Variants in ZMAT4 observed in about 807,000 individuals in gnomAD.
ZMAT4 encodes the protein zinc finger matrin-type 4.
In ZMAT4, 17 loss-of-function variants were observed where a neutral mutation model predicts 28.7. That is an observed-to-expected ratio of 0.59 (90% confidence interval 0.41 to 0.89). The LOEUF is 0.89. Ranked by LOEUF, ZMAT4 falls within the 40% of genes least tolerant of loss-of-function variation. The pLI is 0.00. For missense variants in ZMAT4, 240 were observed against 283.8 expected, an observed-to-expected ratio of 0.85 and a Z score of 1.11; for synonymous variants, 117 against 109.2, an observed-to-expected ratio of 1.07 and a Z score of -0.44.
intron 5 of ZMAT4, among the ~76,000 whole-genome samples, chr8:40,600,940 G>C (rs886920184): frequency 1.1e-4 from 16 of 152,120 alleles, no homozygotes; most frequent in African/African-American, 3.6e-4. Flanking sequence ...AACATCTGCT[G>C]TTCCATCCAC....
chr8:40,556,224 T>C (rs577728213), intron 6 of ZMAT4, among the ~76,000 whole-genome samples: 89 of 152,322 alleles, frequency 5.8e-4, no homozygotes, highest in African/African-American at 2.0e-3. Flanking sequence ...AATTCTCAAA[T>C]CTTGTATTTC....
chr8:40,858,305 C>T (rs1229847318), intron 1 of ZMAT4, among the ~76,000 whole-genome samples: 1 of 152,142 alleles, frequency 6.6e-6, no homozygotes, highest in Non-Finnish European at 1.5e-5. Context: ...TTATGAAACA[C>T]TCTTTATATT....
At chr8:40,881,817 G>C (rs546216201) in intron 1 of ZMAT4, among the ~76,000 whole-genome samples, 28 of 152,160 alleles carry the variant, frequency 1.8e-4, no homozygotes, top group African/African-American at 6.7e-4. Flanking sequence ...GAATAGCTCG[G>C]CCCAACAGTT....
chr8:40,651,624 A>G (rs1585820649), intron 5 of ZMAT4, among the ~76,000 whole-genome samples: 1 of 150,156 alleles, frequency 6.7e-6, no homozygotes, highest in Admixed American at 6.6e-5. Context: ...CGCCAAGTCA[A>G]TCCTAAGCCA....
chr8:40,769,654 A>G (rs1053262924), intron 2 of ZMAT4, among the ~76,000 whole-genome samples: 4 of 152,174 alleles, frequency 2.6e-5, no homozygotes, highest in African/African-American at 9.7e-5. Context: ...TGGATTTTCA[A>G]TTTTACATTT....
At chr8:40,787,368 C>T (rs759435106) in intron 2 of ZMAT4, among the ~76,000 whole-genome samples, 3 of 152,172 alleles carry the variant, frequency 2.0e-5, no homozygotes, top group Non-Finnish European at 4.4e-5. Context: ...AAATTTAATG[C>T]CTTTCCATCT....
intron 2 of ZMAT4, among the ~76,000 whole-genome samples, chr8:40,814,893 T>C (rs1354616944): frequency 6.6e-6 from 1 of 152,212 alleles, no homozygotes; most frequent in Non-Finnish European, 1.5e-5. Context: ...TACTCAACCA[T>C]TTTGCTCAAA....
intron 4 of ZMAT4, among the ~76,000 whole-genome samples, chr8:40,685,807 T>C (rs1740285411): frequency 6.6e-6 from 1 of 152,016 alleles, no homozygotes; most frequent in Admixed American, 6.6e-5. Context: ...CATATGCAAA[T>C]TAAATTAGGA....
At chr8:40,622,236 T>C (rs1451840386) in intron 5 of ZMAT4, among the ~76,000 whole-genome samples, 2 of 152,210 alleles carry the variant, frequency 1.3e-5, no homozygotes, top group Non-Finnish European at 2.9e-5. Flanking sequence ...TTCCAGATAT[T>C]TGGGGTTTAT....
intron 6 of ZMAT4, among the ~76,000 whole-genome samples, chr8:40,553,359 C>G (rs1396507615): frequency 6.6e-6 from 1 of 152,096 alleles, no homozygotes; most frequent in Non-Finnish European, 1.5e-5. Flanking sequence ...TTATACAGCC[C>G]TGGATGGCTA....
chr8:40,842,107 G>A (rs1028981251), intron 1 of ZMAT4, among the ~76,000 whole-genome samples: 2 of 152,158 alleles, frequency 1.3e-5, no homozygotes, highest in Non-Finnish European at 2.9e-5. Context: ...TATAGGTGAG[G>A]CACCTGAACC....
chr8:40,675,096 A>G (rs1468976503), intron 4 of ZMAT4, among the ~76,000 whole-genome samples, 165 bp from the exon 5 acceptor site: 2 of 152,176 alleles, frequency 1.3e-5, no homozygotes, highest in Non-Finnish European at 2.9e-5. Flanking sequence ...TTCATTTTTG[A>G]GTTGGGACAC....
chr8:40,542,060 G>T (rs564570663), intron 6 of ZMAT4, among the ~76,000 whole-genome samples: 4 of 152,184 alleles, frequency 2.6e-5, no homozygotes, highest in Non-Finnish European at 5.9e-5. Context: ...TGTTTTGTTG[G>T]GGGGAGGAAT....
At chr8:40,693,107 G>A in intron 4 of ZMAT4, among the ~76,000 whole-genome samples, 1 of 152,058 alleles carries the variant, frequency 6.6e-6, no homozygotes, top group Non-Finnish European at 1.5e-5. Context: ...TAAACCCAAT[G>A]ACTGGGGTCT....
chr8:40,628,942 T>C (rs540913449), intron 5 of ZMAT4, among the ~76,000 whole-genome samples: 1 of 151,800 alleles, frequency 6.6e-6, no homozygotes. Context: ...TGCGTTTCTA[T>C]GAAACATCAC....
intron 5 of ZMAT4, among the ~76,000 whole-genome samples, chr8:40,595,535 G>A (rs1282771329): frequency 6.6e-6 from 1 of 152,064 alleles, no homozygotes; most frequent in African/African-American, 2.4e-5. Context: ...TATAAGGTAT[G>A]GCCTATTGCT....
chr8:40,564,328 A>G (rs2118481788), intron 6 of ZMAT4, among the ~76,000 whole-genome samples: 1 of 152,260 alleles, frequency 6.6e-6, no homozygotes, highest in African/African-American at 2.4e-5. Flanking sequence ...TTATTTCTAC[A>G]GGATTGCCCA....
chr8:40,718,143 C>T lies in ZMAT4; in HGVS notation c.193-20742G>A, dbSNP rs566970215. Among the ~76,000 whole-genome samples the T allele has an allele frequency of 3.3e-4, 50 of 152,342 alleles. 2 individuals carry two copies. The South Asian group carries it at 9.1e-3, about 28-fold the overall frequency. ...CCTGCCAACTTCTGGATTAGAACCT[C>T]GTATAGATAGCCACTTATAAATAGC... On this transcript the variant is annotated intron_variant, in intron 3 of 6. Coordinates refer to ENST00000297737, the MANE Select transcript of ZMAT4 (RefSeq NM_024645.3).
At chr8:40,570,610 G>A (rs370048487) in intron 6 of ZMAT4, among the ~76,000 whole-genome samples, 8 of 152,270 alleles carry the variant, frequency 5.3e-5, no homozygotes, top group Admixed American at 3.3e-4. Flanking sequence ...TGAGGTGGGA[G>A]GATCATTTAA....
Sources: allele counts gnomAD v4.1 joint callset (sites outside exome capture counted in the v4.1 genomes callset), GRCh38; gene constraint gnomAD v4.1.1; transcripts MANE v1.5; gene names NCBI Gene and HGNC (gene_info 2026-07-23, HGNC 2026-07-21).